Variants in MINDY2 observed in about 807,000 individuals in gnomAD.
MINDY2 encodes the protein MINDY lysine 48 deubiquitinase 2.
In MINDY2, 52 loss-of-function variants were observed where a neutral mutation model predicts 68.2. The ratio of observed to expected loss-of-function variants is 0.76; its 90% CI spans 0.61 to 0.96. MINDY2 has a LOEUF of 0.96. Among genes scored for constraint, MINDY2 ranks in the 40% least tolerant of loss-of-function variants. MINDY2 has a pLI of 0.00. For missense variants in MINDY2, 881 were observed against 773.4 expected, an observed-to-expected ratio of 1.14 and a Z score of -1.65; for synonymous variants, 372 against 303.0, an observed-to-expected ratio of 1.23 and a Z score of -2.36.
chr15:58,832,918 C>T (rs971846589), intron 6 of MINDY2, among the ~76,000 whole-genome samples: 1 of 152,128 alleles, frequency 6.6e-6, no homozygotes, highest in Non-Finnish European at 1.5e-5. Context: ...AGATGATTTG[C>T]CTTTATGATA....
intron 2 of MINDY2, among the ~76,000 whole-genome samples, chr15:58,794,293 TAATG>T (rs762902176): frequency 2.6e-5 from 4 of 151,890 alleles, no homozygotes; most frequent in Non-Finnish European, 4.4e-5. Flanking sequence ...TTTTTGGTAA[TAATG>T]AAACTGTATT....
chr15:58,773,043 C>T (rs1275545250), intron 1 of MINDY2, among the ~76,000 whole-genome samples: 1 of 152,102 alleles, frequency 6.6e-6, no homozygotes, highest in Non-Finnish European at 1.5e-5. Flanking sequence ...CTCATTTAAG[C>T]TTGCAGTGTT....
chr15:58,828,068 A>T (rs1266555826), intron 5 of MINDY2, among the ~76,000 whole-genome samples: 2 of 151,812 alleles, frequency 1.3e-5, no homozygotes, highest in Non-Finnish European at 2.9e-5. Flanking sequence ...CCCTGTCTGT[A>T]CTAAAAATAC....
At chr15:58,773,604 A>G (rs1405564880) in intron 1 of MINDY2, among the ~76,000 whole-genome samples, 1 of 152,180 alleles carries the variant, frequency 6.6e-6, no homozygotes, top group Non-Finnish European at 1.5e-5. Flanking sequence ...GTGGAAATGC[A>G]TTTGATATTC....
At position 58,771,699 on chromosome 15, in the gene MINDY2, C is replaced by G. The variant is rs755912172; in HGVS notation, c.304C>G (p.Leu102Val). The G allele has an allele frequency of 1.9e-6, 3 of 1,612,340 alleles. No homozygotes were observed. Among genetic ancestry groups the G allele is most frequent in the African/African-American group, 2.7e-5 (2 of 74,926 alleles). Reference sequence around the variant, plus strand: ...GAGTCCTGCTGCCGCCGAGGCGCCTCTGAGAGGGCAGTACAAGGTGACCGC... The same window carrying G: ...GAGTCCTGCTGCCGCCGAGGCGCCTGTGAGAGGGCAGTACAAGGTGACCGC... ...LESPAAAEAP[L>V]RGQYKVTASP... Residue 102 changes from leucine (L) to valine (V), a missense_variant, in exon 1 of 9, where the codon CTG becomes GTG. Physicochemically the swap from Leu to Val is conservative, Grantham distance 32. Transcript: ENST00000559228.
intron 7 of MINDY2, 60 bp from the exon 8 acceptor site, chr15:58,851,711 C>A: frequency 1.6e-6 from 2 of 1,258,808 alleles, no homozygotes; most frequent in Non-Finnish European, 2.2e-6. Flanking sequence ...TTTGTATTTG[C>A]AGTCATTCAT....
At chr15:58,818,624 A>G (rs1337840784) in intron 4 of MINDY2, among the ~76,000 whole-genome samples, 1 of 151,204 alleles carries the variant, frequency 6.6e-6, no homozygotes, top group Non-Finnish European at 1.5e-5. Flanking sequence ...GGTACTCTAG[A>G]GAAATAGATT....
At chr15:58,791,247 A>G (rs1301241853) in intron 2 of MINDY2, among the ~76,000 whole-genome samples, 1 of 87,504 alleles carries the variant, frequency 1.1e-5, no homozygotes, top group Admixed American at 1.3e-4. Flanking sequence ...ATATATATAT[A>G]TATATATATC....
intron 6 of MINDY2, among the ~76,000 whole-genome samples, chr15:58,843,968 GAACT>G (rs1178978952): frequency 8.0e-5 from 12 of 150,914 alleles, no homozygotes; most frequent in African/African-American, 2.9e-4. Flanking sequence ...TATATAATTT[GAACT>G]AATACACAAT....
At chr15:58,833,116 G>T (rs1362481052) in intron 6 of MINDY2, among the ~76,000 whole-genome samples, 1 of 152,092 alleles carries the variant, frequency 6.6e-6, no homozygotes, top group East Asian at 1.9e-4. Flanking sequence ...TCAGAAGTTT[G>T]TCAACTTATA....
chr15:58,799,461 G>GGAGGCT (rs1259186960), intron 2 of MINDY2, among the ~76,000 whole-genome samples: 5 of 152,066 alleles, frequency 3.3e-5, no homozygotes, highest in East Asian at 1.9e-4. Context: ...CAGCTACTTG[G>GGAGGCT]GAGGCTGAGG....
intron 6 of MINDY2, among the ~76,000 whole-genome samples, chr15:58,847,035 T>G (rs1006419555): frequency 6.6e-6 from 1 of 152,204 alleles, no homozygotes; most frequent in African/African-American, 2.4e-5. Flanking sequence ...CAAAGGTGTT[T>G]ATAAGTCATA....
chr15:58,782,722 G>C (rs1901225506), intron 1 of MINDY2, among the ~76,000 whole-genome samples: 1 of 151,924 alleles, frequency 6.6e-6, no homozygotes, highest in African/African-American at 2.4e-5. Context: ...TTGGTAATTG[G>C]CTTTGGTGTC....
intron 2 of MINDY2, among the ~76,000 whole-genome samples, chr15:58,790,461 C>T (rs1901809117): frequency 6.6e-6 from 1 of 152,088 alleles, no homozygotes; most frequent in Non-Finnish European, 1.5e-5. Context: ...AAAGATGTAA[C>T]AGCAATTTTG....
At chr15:58,842,783 CCT>C (rs1567073354) in intron 6 of MINDY2, among the ~76,000 whole-genome samples, 1 of 152,148 alleles carries the variant, frequency 6.6e-6, no homozygotes, top group Admixed American at 6.5e-5. Flanking sequence ...CTTCACAACT[CCT>C]CTGTGAGGAG....
intron 2 of MINDY2, among the ~76,000 whole-genome samples, chr15:58,800,585 A>G (rs1274619698): frequency 6.6e-6 from 1 of 150,958 alleles, no homozygotes; most frequent in Non-Finnish European, 1.5e-5. Context: ...TGCTTTCTCC[A>G]TTCATTCTTC....
At chr15:58,836,077 T>A (rs892503841) in intron 6 of MINDY2, among the ~76,000 whole-genome samples, 2 of 151,910 alleles carry the variant, frequency 1.3e-5, no homozygotes, top group Non-Finnish European at 1.5e-5. Context: ...ACCCAGCTAA[T>A]TTTTTTGTAT....
intron 3 of MINDY2, among the ~76,000 whole-genome samples, chr15:58,806,986 TTGAA>T (rs1191222675): frequency 2.0e-5 from 3 of 152,340 alleles, no homozygotes; most frequent in Admixed American, 6.5e-5. Flanking sequence ...TTTAAAACAT[TTGAA>T]TGATTTCTGT....
intron 5 of MINDY2, among the ~76,000 whole-genome samples, chr15:58,831,388 G>A (rs1006257727): frequency 3.9e-5 from 6 of 152,130 alleles, no homozygotes; most frequent in African/African-American, 1.4e-4. Context: ...GGTAGCTGTT[G>A]ACTGACATTT....
Sources: gnomAD v4.1 joint callset for allele counts (sites outside exome capture counted in the v4.1 genomes callset) on GRCh38, gnomAD v4.1.1 for gene constraint, MANE v1.5 for transcripts, NCBI Gene and HGNC (gene_info 2026-07-23, HGNC 2026-07-21) for gene names.